Variants in MAGI2 observed in about 807,000 individuals in gnomAD.
The protein encoded by MAGI2 is membrane-associated guanylate kinase, WW and PDZ domain-containing protein 2.
In MAGI2, 35 loss-of-function variants were observed where a neutral mutation model predicts 133.3. That is an observed-to-expected ratio of 0.26 (90% CI 0.20 to 0.35). The LOEUF is 0.35. MAGI2 is among the 10% of genes least tolerant of loss of function. The pLI, the probability that MAGI2 is intolerant of heterozygous loss-of-function variation, is 1.00. For missense variants in MAGI2, 1,636 were observed against 1,863.4 expected, an observed-to-expected ratio of 0.88 and a Z score of 2.25; for synonymous variants, 729 against 710.6, an observed-to-expected ratio of 1.03 and a Z score of -0.41.
chr7:78,646,522 A>G (rs1450187952), intron 2 of MAGI2, among the ~76,000 whole-genome samples: 1 of 152,168 alleles, frequency 6.6e-6, no homozygotes, highest in African/African-American at 2.4e-5. Context: ...ATTGTTTTCA[A>G]ATGTTCACTA....
At chr7:78,990,851 C>G (rs1176085437) in intron 2 of MAGI2, among the ~76,000 whole-genome samples, 1 of 151,446 alleles carries the variant, frequency 6.6e-6, no homozygotes, top group Non-Finnish European at 1.5e-5. Context: ...TCCACCTGCA[C>G]AGGTGTTATG....
At chr7:78,632,617 C>T (rs186753958) in intron 2 of MAGI2, among the ~76,000 whole-genome samples, 2 of 152,208 alleles carry the variant, frequency 1.3e-5, no homozygotes, top group African/African-American at 4.8e-5. Context: ...ATCTTGGCGC[C>T]TCATACAGGT....
chr7:78,817,804 G>T (rs1789734833), intron 2 of MAGI2, among the ~76,000 whole-genome samples: 1 of 151,810 alleles, frequency 6.6e-6, no homozygotes, highest in South Asian at 2.1e-4. Flanking sequence ...CTGCCTCCTG[G>T]GTTCAAGCGA....
At chr7:78,120,325 C>T (rs1028355503) in intron 20 of MAGI2, among the ~76,000 whole-genome samples, 1 of 152,274 alleles carries the variant, frequency 6.6e-6, no homozygotes, top group African/African-American at 2.4e-5. Flanking sequence ...ATGGTGTGAA[C>T]CCAGGAGGCG....
At chr7:79,198,559 C>T (rs1352138180) in intron 1 of MAGI2, among the ~76,000 whole-genome samples, 1 of 151,958 alleles carries the variant, frequency 6.6e-6, no homozygotes, top group Non-Finnish European at 1.5e-5. Context: ...AAATTTTAGT[C>T]ATACTCGCTT....
intron 6 of MAGI2, among the ~76,000 whole-genome samples, chr7:78,380,978 C>T (rs1334619232): frequency 6.6e-6 from 1 of 152,116 alleles, no homozygotes; most frequent in African/African-American, 2.4e-5. Context: ...TGGAAATGAG[C>T]CCCATCTTTC....
intron 1 of MAGI2, among the ~76,000 whole-genome samples, chr7:79,235,560 G>C (rs1472382353): frequency 6.6e-6 from 1 of 152,178 alleles, no homozygotes; most frequent in Non-Finnish European, 1.5e-5. Context: ...CGATTTTCCA[G>C]GTGCGTCCGT....
intron 21 of MAGI2, among the ~76,000 whole-genome samples, chr7:78,044,379 C>T (rs750475774): frequency 4.6e-5 from 7 of 152,288 alleles, no homozygotes; most frequent in Non-Finnish European, 1.0e-4. Context: ...ACTGCCATTC[C>T]AGAGACAGAA....
intron 16 of MAGI2, among the ~76,000 whole-genome samples, chr7:78,158,032 C>T (rs573345953): frequency 1.3e-3 from 201 of 152,230 alleles, no homozygotes; most frequent in African/African-American, 4.5e-3. Context: ...GGTTTTCTTT[C>T]TTTCTTTTAT....
chr7:78,317,061 A>G (rs764203116), intron 9 of MAGI2, among the ~76,000 whole-genome samples: 43 of 152,280 alleles, frequency 2.8e-4, no homozygotes, highest in Non-Finnish European at 5.0e-4. Flanking sequence ...CTATTTTCCC[A>G]TAAAAACTGT....
intron 1 of MAGI2, among the ~76,000 whole-genome samples, chr7:79,173,474 C>A (rs970242761): frequency 6.6e-6 from 1 of 151,920 alleles, no homozygotes; most frequent in Non-Finnish European, 1.5e-5. Flanking sequence ...TGCAGGCACA[C>A]GACTCCACAC....
chr7:78,851,205 AT>A (rs575959090), intron 2 of MAGI2, among the ~76,000 whole-genome samples: 47 of 151,660 alleles, frequency 3.1e-4, no homozygotes, highest in African/African-American at 1.1e-3. Context: ...TTAGAAATGA[AT>A]TCCCAAAGGG....
intron 20 of MAGI2, among the ~76,000 whole-genome samples, chr7:78,116,863 G>C (rs1819916615): frequency 6.6e-6 from 1 of 151,646 alleles, no homozygotes. Context: ...GAGTGACAAA[G>C]AAAGATCCTG....
intron 2 of MAGI2, among the ~76,000 whole-genome samples, chr7:78,879,356 A>G (rs961012758): frequency 6.6e-6 from 1 of 152,048 alleles, no homozygotes; most frequent in Non-Finnish European, 1.5e-5. Context: ...TAAATTATAT[A>G]CCCATCTATG....
intron 2 of MAGI2, among the ~76,000 whole-genome samples, chr7:78,867,965 C>A (rs1208088345): frequency 2.7e-5 from 4 of 149,874 alleles, no homozygotes; most frequent in South Asian, 2.1e-4. Flanking sequence ...AGAGGGGGAC[C>A]AACGAAGAGT....
intron 21 of MAGI2, among the ~76,000 whole-genome samples, chr7:78,027,710 G>A (rs575709030): frequency 1.3e-5 from 2 of 151,854 alleles, no homozygotes; most frequent in East Asian, 1.9e-4. Context: ...CTTAAGGGCA[G>A]GGATAGTACT....
intron 1 of MAGI2, chr7:79,343,355 T>A (rs1215311538): frequency 6.6e-6 from 1 of 152,134 alleles, no homozygotes; most frequent in African/African-American, 2.4e-5. Flanking sequence ...TTAGTATATA[T>A]GCTACTGAAG....
chr7:78,799,927 G>C (rs1325863268), intron 2 of MAGI2, among the ~76,000 whole-genome samples: 1 of 152,136 alleles, frequency 6.6e-6, no homozygotes, highest in African/African-American at 2.4e-5. Context: ...ATGGAAAGCA[G>C]CATTTCTTTT....
intron 1 of MAGI2, among the ~76,000 whole-genome samples, chr7:79,123,164 T>G (rs1820065136): frequency 6.6e-6 from 1 of 152,134 alleles, no homozygotes; most frequent in Non-Finnish European, 1.5e-5. Flanking sequence ...CTAATAAATA[T>G]TCAAGAAATG....
Sources: gnomAD v4.1 joint callset for allele counts (sites outside exome capture counted in the v4.1 genomes callset) on GRCh38, gnomAD v4.1.1 for gene constraint, MANE v1.5 for transcripts, NCBI Gene and HGNC (gene_info 2026-07-23, HGNC 2026-07-21) for gene names.